Variants in PMFBP1 observed in about 807,000 individuals in gnomAD.
PMFBP1 encodes the protein polyamine modulated factor 1 binding protein 1, also known as polyamine-modulated factor 1-binding protein 1.
PMFBP1 carries 131 observed loss-of-function variants against 137.8 expected under a neutral mutation model. That is an observed-to-expected ratio of 0.95 (90% CI 0.82 to 1.10). The LOEUF (loss-of-function observed/expected upper bound fraction) is 1.10, where lower values mean the gene tolerates loss of function less well. Among genes scored for constraint, PMFBP1 ranks in the 50% least tolerant of loss-of-function variants. The pLI is 0.00. For synonymous variants in PMFBP1, 490 were observed against 450.4 expected, an observed-to-expected ratio of 1.09 and a Z score of -1.11; for missense variants, 1,199 against 1,175.4, an observed-to-expected ratio of 1.02 and a Z score of -0.29.
chr16:72,196,574 C>T, the PMFBP1 span, among the ~76,000 whole-genome samples: 3 of 152,190 alleles, frequency 2.0e-5, no homozygotes, highest in African/African-American at 7.2e-5. Context: ...TCTACATGCA[C>T]GGCACTCCTG....
Position 72,120,050 on chromosome 16 carries a change from G to C in PMFBP1, c.2808C>G (p.Asn936Lys). 1 of 1,614,162 alleles carries C rather than the reference G, an allele frequency of 6.2e-7. No individual in the cohort carries two copies. Among genetic ancestry groups the C allele is most frequent in the South Asian group, 1.1e-5 (1 of 91,084 alleles). The change falls in exon 20 of 21, where the codon AAC becomes AAG. Residue 936 changes from asparagine (N) to lysine (K), a missense_variant. By Grantham distance (94) the Asn-to-Lys change is moderately conservative (BLOSUM62 0). Transcript: ENST00000237353. ...CTTCTATCTCCTTCTTCAGCTTCTT[G>C]TTTTCCTGCTGCAAGTGGACCATTA... ...HSVMVHLQQE[N>K]KKLKKEIEEK...
chr16:72,248,856 C>G, the PMFBP1 span, among the ~76,000 whole-genome samples: 1 of 152,194 alleles, frequency 6.6e-6, no homozygotes, highest in African/African-American at 2.4e-5. Flanking sequence ...CAGGACCTCA[C>G]TGTATCTCTT....
In PMFBP1 at chr16:72,151,084, A is replaced by C. The variant is rs10400963; in HGVS notation, c.415-255T>G. 0.49 allele frequency among the ~76,000 whole-genome samples: 74,333 copies of C among 152,172 alleles called. 19,424 individuals carry two copies. The highest frequency in any genetic ancestry group is 0.68 in the African/African-American group (28,219 of 41,508). On this transcript the variant is annotated intron_variant, in intron 4 of 20. Transcript: ENST00000237353. ...ATATCCATTTCCCATTCTGCCCAGC[A>C]TGTGGCAGAAACTCAATGAATACTT...
the PMFBP1 span, among the ~76,000 whole-genome samples, chr16:72,203,463 G>A: frequency 6.6e-6 from 1 of 152,160 alleles, no homozygotes; most frequent in African/African-American, 2.4e-5. Flanking sequence ...TTTCAGATGC[G>A]TTTGTCCCTG....
the PMFBP1 span, among the ~76,000 whole-genome samples, chr16:72,182,051 T>A: frequency 6.6e-6 from 1 of 152,362 alleles, no homozygotes; most frequent in East Asian, 1.9e-4. Flanking sequence ...TGTCTTGGGC[T>A]GCATGTGGCC....
chr16:72,169,605 C>T (rs1319677070), intron 2 of PMFBP1, among the ~76,000 whole-genome samples: 2 of 151,412 alleles, frequency 1.3e-5, no homozygotes, highest in Non-Finnish European at 2.9e-5. Flanking sequence ...GCACATGTAT[C>T]CCAGAACTTA....
rs2042698970 is a variant in PMFBP1 at position 72,140,395 on chromosome 16, TAGA to T, written c.807+14_807+16del. 1 of 1,603,418 alleles carries T rather than the reference TAGA, an allele frequency of 6.2e-7. No homozygotes were observed. Among genetic ancestry groups the T allele is most frequent in the Admixed American group, 1.7e-5 (1 of 59,982 alleles). On this transcript the variant is annotated intron_variant, in intron 6 of 20. Transcript: ENST00000237353. ...TTGAGGGTCTCCCAGAGACATGTTCTAGAAGAAGGCACTTACCAAAGCGTTACT... is the reference window on the plus strand; with the variant it reads ...TTGAGGGTCTCCCAGAGACATGTTCTAGAAGGCACTTACCAAAGCGTTACT...
chr16:72,176,671 C>A (rs955435092), upstream of PMFBP1, among the ~76,000 whole-genome samples: 1 of 152,178 alleles, frequency 6.6e-6, no homozygotes, highest in Non-Finnish European at 1.5e-5. Flanking sequence ...TCATTGCCAG[C>A]CCTGGATAGA....
At chr16:72,196,452 A>T in the PMFBP1 span, among the ~76,000 whole-genome samples, 10 of 152,274 alleles carry the variant, frequency 6.6e-5, no homozygotes, top group East Asian at 1.9e-3. Flanking sequence ...ATGTGCAGTT[A>T]GCAATCAGTA....
At chr16:72,116,669 G>T (rs1016065245), downstream of PMFBP1, among the ~76,000 whole-genome samples, 3 of 147,778 alleles carry the variant, frequency 2.0e-5, no homozygotes, top group African/African-American at 7.7e-5. Flanking sequence ...TTTGTATAAG[G>T]TATTAGGTAA....
chr16:72,136,938 C>T, intron 7 of PMFBP1, 119 bp from the exon 8 acceptor site: 1 of 1,390,498 alleles, frequency 7.2e-7, no homozygotes, highest in Non-Finnish European at 9.8e-7. Flanking sequence ...GTAATGGCTG[C>T]TGGGGGCCAG....
intron 10 of PMFBP1, 106 bp from the exon 11 acceptor site, chr16:72,130,828 G>T (rs1431375412): frequency 4.0e-6 from 4 of 1,012,018 alleles, no homozygotes; most frequent in Middle Eastern, 6.5e-4. Flanking sequence ...CCCTACTTCA[G>T]TTCCCAGTCT....
At chr16:72,169,238 C>A (rs1248965319) in intron 2 of PMFBP1, among the ~76,000 whole-genome samples, 3 of 152,148 alleles carry the variant, frequency 2.0e-5, no homozygotes, top group Non-Finnish European at 4.4e-5. Flanking sequence ...ATATCACAAC[C>A]ATTCAATTTA....
the PMFBP1 span, among the ~76,000 whole-genome samples, chr16:72,241,775 T>C: frequency 1.3e-5 from 2 of 152,164 alleles, no homozygotes; most frequent in Non-Finnish European, 2.9e-5. Flanking sequence ...AAATGTAAGT[T>C]TGTATTAGGT....
At chr16:72,182,191 G>A in the PMFBP1 span, among the ~76,000 whole-genome samples, 1 of 152,092 alleles carries the variant, frequency 6.6e-6, no homozygotes, top group African/African-American at 2.4e-5. Flanking sequence ...TTCTAGAAGA[G>A]AGGTGCACCT....
chr16:72,192,286 AAC>A, the PMFBP1 span, among the ~76,000 whole-genome samples: 2 of 152,290 alleles, frequency 1.3e-5, no homozygotes, highest in South Asian at 4.1e-4. Context: ...CACTTTAGAA[AAC>A]ACACACATTT....
chr16:72,125,318 T>C lies in PMFBP1; in HGVS notation c.2341A>G (p.Ile781Val), dbSNP rs777377632. Reference protein sequence around the residue: ...EKKAQLEEEIIAYEERMKKLN... With the variant: ...EKKAQLEEEIVAYEERMKKLN... The stretch of plus-strand genomic sequence containing the variant: ...TTTTTCATCCTTTCCTCATAAGCAA[T>C]GATTTCCTCTTCCAGCTGAGCTTTC... The change falls in exon 16 of 21, where the codon ATT becomes GTT. Residue 781 changes from isoleucine to valine, a missense_variant. By Grantham distance (29) the Ile-to-Val change is conservative (BLOSUM62 3). Transcript: ENST00000237353. The C allele has an allele frequency of 8.7e-6, 14 of 1,614,212 alleles. No individual in the cohort carries two copies. The highest frequency in any genetic ancestry group is 1.2e-5 in the Non-Finnish European group (14 of 1,180,040).
chr16:72,174,523 T>G (rs2043249964), upstream of PMFBP1, among the ~76,000 whole-genome samples: 1 of 152,202 alleles, frequency 6.6e-6, no homozygotes, highest in Non-Finnish European at 1.5e-5. Flanking sequence ...GAGGTGTCAC[T>G]GTCCTGGTCA....
chr16:72,150,134 G>A (rs1482700984), intron 5 of PMFBP1, among the ~76,000 whole-genome samples: 1 of 152,200 alleles, frequency 6.6e-6, no homozygotes, highest in African/African-American at 2.4e-5. Flanking sequence ...ATTTGATCCT[G>A]AAGTTGTGGT....
Sources: allele counts gnomAD v4.1 joint callset (sites outside exome capture counted in the v4.1 genomes callset), GRCh38; gene constraint gnomAD v4.1.1; transcripts MANE v1.5; gene names NCBI Gene and HGNC (gene_info 2026-07-23, HGNC 2026-07-21).